The following MANBA variants were observed in gnomAD, a reference collection of about 807,000 sequenced individuals.
MANBA encodes the protein mannosidase beta.
In MANBA, 83 loss-of-function variants were observed where a neutral mutation model predicts 111.1. That is an observed-to-expected ratio of 0.75 (90% CI 0.63 to 0.90). The LOEUF (loss-of-function observed/expected upper bound fraction) is 0.90, where lower values mean the gene tolerates loss of function less well. Among genes scored for constraint, MANBA ranks in the 40% least tolerant of loss-of-function variants. The pLI is 0.00. For missense variants in MANBA, 1,036 were observed against 1,069.0 expected, an observed-to-expected ratio of 0.97 and a Z score of 0.43; for synonymous variants, 370 against 378.7, an observed-to-expected ratio of 0.98 and a Z score of 0.27.
intron 5 of MANBA, among the ~76,000 whole-genome samples, chr4:102,704,409 T>A (rs1188186961): frequency 1.3e-5 from 2 of 152,188 alleles, no homozygotes; most frequent in South Asian, 4.1e-4. Context: ...CCTCAAGTGA[T>A]CCTTTGAACT....
At chr4:102,660,448 A>T (rs1170387038) in intron 11 of MANBA, among the ~76,000 whole-genome samples, 1 of 152,148 alleles carries the variant, frequency 6.6e-6, no homozygotes, top group African/African-American at 2.4e-5. Context: ...CTTTTTAAAA[A>T]TTTGTTTTTT....
At chr4:102,756,238 T>C (rs1724006694) in intron 1 of MANBA, among the ~76,000 whole-genome samples, 2 of 152,310 alleles carry the variant, frequency 1.3e-5, no homozygotes, top group South Asian at 4.1e-4. Context: ...TGTCCAACAA[T>C]GATAGACTGG....
At chr4:102,673,839 G>T in intron 8 of MANBA, 80 bp downstream of exon 8, 1 of 1,356,692 alleles carries the variant, frequency 7.4e-7, no homozygotes, top group Non-Finnish European at 1.1e-6. Flanking sequence ...AGAGACTAAA[G>T]AAAGTAAAAA....
At chr4:102,634,226 C>A (rs1729512555) in intron 16 of MANBA, among the ~76,000 whole-genome samples, 1 of 152,160 alleles carries the variant, frequency 6.6e-6, no homozygotes, top group Non-Finnish European at 1.5e-5. Flanking sequence ...ATTTTTATAT[C>A]TTGGCAATTA....
At chr4:102,688,375 C>T (rs1732316370) in intron 7 of MANBA, among the ~76,000 whole-genome samples, 1 of 129,550 alleles carries the variant, frequency 7.7e-6, no homozygotes, top group Admixed American at 8.4e-5. Context: ...TCTCTCTCTC[C>T]CCTCCCCCCT....
At chr4:102,702,269 T>C (rs1733090575) in intron 5 of MANBA, among the ~76,000 whole-genome samples, 1 of 151,636 alleles carries the variant, frequency 6.6e-6, no homozygotes, top group Non-Finnish European at 1.5e-5. Flanking sequence ...GTCTAAATTC[T>C]TTTCAAAGTT....
intron 3 of MANBA, among the ~76,000 whole-genome samples, chr4:102,723,432 C>A (rs1722665398): frequency 6.6e-6 from 1 of 152,178 alleles, no homozygotes; most frequent in African/African-American, 2.4e-5. Flanking sequence ...GTATGAACAG[C>A]ATGCATTTCT....
chr4:102,665,831 T>C (rs1467044832), intron 10 of MANBA: 1 of 152,264 alleles, frequency 6.6e-6, no homozygotes, highest in African/African-American at 2.4e-5. Context: ...TTCGCTGTGA[T>C]GCATGATTAC....
chr4:102,665,138 G>C (rs1731162037), intron 10 of MANBA: 1 of 349,240 alleles, frequency 2.9e-6, no homozygotes, highest in African/African-American at 2.1e-5. Flanking sequence ...AGAAAGAAAA[G>C]GGGAATGAAT....
intron 5 of MANBA, among the ~76,000 whole-genome samples, chr4:102,694,266 CA>C (rs925359753): frequency 2.0e-5 from 3 of 152,134 alleles, no homozygotes; most frequent in Admixed American, 2.0e-4. Context: ...ACAAAGTTAT[CA>C]CCAGATATAC....
intron 7 of MANBA, among the ~76,000 whole-genome samples, chr4:102,677,765 T>C (rs554509574): frequency 1.3e-5 from 2 of 152,320 alleles, no homozygotes; most frequent in East Asian, 1.9e-4. Flanking sequence ...CTTTGTCTCC[T>C]ACTAAACAAG....
chr4:102,706,871 T>C (rs546984907), intron 5 of MANBA, among the ~76,000 whole-genome samples: 1 of 151,820 alleles, frequency 6.6e-6, no homozygotes, highest in Admixed American at 6.6e-5. Context: ...AGTAAACCAG[T>C]CAAACAAAAC....
intron 7 of MANBA, among the ~76,000 whole-genome samples, chr4:102,683,903 C>T (rs1732091635): frequency 6.6e-6 from 1 of 152,134 alleles, no homozygotes; most frequent in Non-Finnish European, 1.5e-5. Flanking sequence ...GCCCCAATGT[C>T]ACTCAACATA....
chr4:102,694,754 C>T (rs1424131065), intron 5 of MANBA, among the ~76,000 whole-genome samples: 1 of 152,104 alleles, frequency 6.6e-6, no homozygotes, highest in African/African-American at 2.4e-5. Context: ...CAACTCAGCA[C>T]AAAGAGGACA....
At chr4:102,744,921 C>G (rs534340077) in intron 1 of MANBA, among the ~76,000 whole-genome samples, 3 of 152,300 alleles carry the variant, frequency 2.0e-5, no homozygotes, top group Non-Finnish European at 2.9e-5. Flanking sequence ...TCTCACCCTA[C>G]AAGTCAGGGA....
intron 8 of MANBA, 88 bp from the exon 9 acceptor site, chr4:102,671,486 A>T: frequency 1.3e-6 from 1 of 783,628 alleles, no homozygotes; most frequent in Non-Finnish European, 2.2e-6. Flanking sequence ...TGTTAGAAAA[A>T]CACACTCTAA....
chr4:102,717,689 G>A (rs547420914), intron 4 of MANBA, among the ~76,000 whole-genome samples: 6 of 152,198 alleles, frequency 3.9e-5, no homozygotes, highest in East Asian at 1.9e-4. Flanking sequence ...TCACTGTGCC[G>A]GCCCAGAAGC....
rs773604239 is a variant in MANBA at position 102,632,262 on chromosome 4, C to A, written c.2435G>T (p.Gly812Val). Residue 812 changes from glycine (G) to valine (V), a missense_variant, in exon 17 of 17, where the codon GGT becomes GTT. Gly to Val is a moderately radical substitution (Grantham distance 109). Coordinates refer to ENST00000647097, the MANE Select transcript of MANBA (RefSeq NM_005908.4). ...CTCCAGGTCAAAAACAAATATGTCA[C>A]CTTGCTGAGAGATGATGGCCTGAAA... ...AQITAIISQQ[G>V]DIFVFDLETS... The A allele has an allele frequency of 1.1e-5, 17 of 1,611,090 alleles. No individual in the cohort carries two copies. Among genetic ancestry groups the A allele is most frequent in the Non-Finnish European group, 1.4e-5 (17 of 1,178,646 alleles).
At chr4:102,712,119 A>T (rs1465360468) in intron 5 of MANBA, among the ~76,000 whole-genome samples, 1 of 152,252 alleles carries the variant, frequency 6.6e-6, no homozygotes, top group Admixed American at 6.5e-5. Context: ...TAGATACCCG[A>T]ATTACCTTGA....
Sources: gnomAD v4.1 joint callset for allele counts (sites outside exome capture counted in the v4.1 genomes callset) on GRCh38, gnomAD v4.1.1 for gene constraint, MANE v1.5 for transcripts, NCBI Gene and HGNC (gene_info 2026-07-23, HGNC 2026-07-21) for gene names.